CDH13: variants seen among roughly 807,000 people sequenced by gnomAD.
CDH13 encodes the protein cadherin-13.
Under a neutral mutation model 63.8 loss-of-function variants are expected in CDH13, and 24 were observed. The ratio of observed to expected loss-of-function variants is 0.38; its 90% CI spans 0.27 to 0.53. CDH13 has a LOEUF of 0.53. Among genes scored for constraint, CDH13 ranks in the 20% least tolerant of loss-of-function variants. The pLI is 0.85. For missense variants in CDH13, 1,049 were observed against 903.1 expected (o/e 1.16, Z -2.07); for synonymous variants, 503 against 355.3 (o/e 1.42, Z -4.67).
chr16:83,554,749 G>C (rs1342544967), intron 7 of CDH13, among the ~76,000 whole-genome samples: 4 of 152,102 alleles, frequency 2.6e-5, no homozygotes, highest in Non-Finnish European at 2.9e-5. Flanking sequence ...AGTACAGACT[G>C]ATGTCACCCT....
rs537849806 is a variant in CDH13, at chr16:82,868,243, A to G, written c.157+9770A>G. On this transcript the variant is annotated intron_variant, in intron 2 of 13. Transcript: ENST00000567109. Reference sequence around the variant, plus strand: ...TGAAGTTGACGATACATCGGGTCAGAATGTGGACTCCTATTTACATTAATA... The same window carrying G: ...TGAAGTTGACGATACATCGGGTCAGGATGTGGACTCCTATTTACATTAATA... Among the ~76,000 whole-genome samples, 4 of 152,318 alleles carry G rather than the reference A, an allele frequency of 2.6e-5. No homozygotes were observed. In the East Asian group the frequency reaches 7.7e-4, roughly 29 times the overall value.
intron 7 of CDH13, among the ~76,000 whole-genome samples, chr16:83,525,015 A>T (rs1432016322): frequency 2.0e-5 from 3 of 152,128 alleles, no homozygotes; most frequent in Non-Finnish European, 2.9e-5. Flanking sequence ...ATTTTCGGGG[A>T]CGCTGATTCT....
At chr16:83,191,826 C>T (rs976419764) in intron 4 of CDH13, among the ~76,000 whole-genome samples, 1 of 151,624 alleles carries the variant, frequency 6.6e-6, no homozygotes, top group East Asian at 1.9e-4. Context: ...ATGATGCCCA[C>T]CCAGATTAAG....
At chr16:82,712,690 G>A (rs1266257924) in intron 1 of CDH13, among the ~76,000 whole-genome samples, 1 of 152,138 alleles carries the variant, frequency 6.6e-6, no homozygotes, top group African/African-American at 2.4e-5. Flanking sequence ...CAGGCCCCCT[G>A]AAGCCGCAGC....
At chr16:83,401,659 C>CA (rs60316291) in intron 6 of CDH13, among the ~76,000 whole-genome samples, 15,512 of 151,178 alleles carry the variant, frequency 0.1, 833 homozygotes, top group African/African-American at 0.14. Flanking sequence ...ATTTTATGGA[C>CA]AAAAAAAAGA....
rs557774284 is a variant in CDH13, at chr16:83,089,723, G to A, written c.367-35662G>A. 3.3e-5 allele frequency among the ~76,000 whole-genome samples: 5 copies of A among 152,312 alleles called. No individual in the cohort carries two copies. The East Asian group carries it at 5.8e-4, about 18-fold the overall frequency. On this transcript the variant is annotated intron_variant, in intron 3 of 13. Coordinates refer to ENST00000567109, the MANE Select transcript of CDH13 (RefSeq NM_001257.5). ...TATTTGCCATGGACTTCTATCTCAC[G>A]ACTTTGCTATAAGGGCTACACGTCG...
At chr16:83,392,713 T>G (rs574171890) in intron 6 of CDH13, among the ~76,000 whole-genome samples, 1 of 152,314 alleles carries the variant, frequency 6.6e-6, no homozygotes, top group African/African-American at 2.4e-5. Flanking sequence ...ACAGTCAGCT[T>G]CAAAGACAGA....
rs189447283 is a variant in CDH13, at chr16:83,779,568, A to G, written c.1682-400A>G. Among the ~76,000 whole-genome samples the G allele has an allele frequency of 1.2e-3, 177 of 152,232 alleles. 1 individual carries two copies. Among genetic ancestry groups the G allele is most frequent in the African/African-American group, 4.2e-3 (176 of 41,540 alleles). On this transcript the variant is annotated intron_variant, in intron 11 of 13. Transcript: ENST00000567109. Reference sequence around the variant, plus strand: ...CTGGGCATGGTGGCTCACGCCTGTGATCACAACACTTTTGGTGTCTGAGGC... The same window carrying G: ...CTGGGCATGGTGGCTCACGCCTGTGGTCACAACACTTTTGGTGTCTGAGGC...
At chr16:83,196,789 C>T (rs746457607) in intron 4 of CDH13, among the ~76,000 whole-genome samples, 2 of 152,282 alleles carry the variant, frequency 1.3e-5, no homozygotes. Flanking sequence ...AAAGCAGTAA[C>T]ATCAAATGCT....
In CDH13 at chr16:82,644,541, C is replaced by G. The variant is rs997900850; in HGVS notation, c.45+17404C>G. Among the ~76,000 whole-genome samples, 1 of 152,196 alleles carries G rather than the reference C, an allele frequency of 6.6e-6. No individual in the cohort carries two copies. The highest frequency in any genetic ancestry group is 1.5e-5 in the Non-Finnish European group (1 of 68,028). On this transcript the variant is annotated intron_variant, in intron 1 of 13. Transcript: ENST00000567109. The surrounding 1 kb of genome is among the most constrained non-coding windows in gnomAD (Gnocchi z 5.7). ...AGCAGCCTAGAGCTGGTCCCCAGAC[C>G]AGGCCCAGTGCACGAGTTTGGGTGC...
At chr16:83,369,977 C>G (rs947555614) in intron 6 of CDH13, among the ~76,000 whole-genome samples, 3 of 152,252 alleles carry the variant, frequency 2.0e-5, no homozygotes, top group African/African-American at 7.2e-5. Flanking sequence ...TTGCTCTCTA[C>G]TTTGAAAACA....
chr16:83,700,490 C>T (rs142390047), intron 10 of CDH13, among the ~76,000 whole-genome samples: 88 of 152,336 alleles, frequency 5.8e-4, no homozygotes, highest in Non-Finnish European at 1.1e-3. Flanking sequence ...GTGCCAGGCA[C>T]TGTTGTTAGG....
chr16:83,167,099 G>A (rs2037710513), intron 4 of CDH13, among the ~76,000 whole-genome samples: 1 of 151,874 alleles, frequency 6.6e-6, no homozygotes, highest in Admixed American at 6.6e-5. Flanking sequence ...ATTCCACGAA[G>A]GTTTATGAAT....
intron 1 of CDH13, among the ~76,000 whole-genome samples, chr16:82,804,165 T>G (rs1353094899): frequency 8.6e-6 from 1 of 116,936 alleles, no homozygotes; most frequent in Non-Finnish European, 1.8e-5. Context: ...GAGGTGGAGG[T>G]TGCAGTGAGC....
intron 1 of CDH13, among the ~76,000 whole-genome samples, chr16:82,787,842 G>GTGTGTGTGTGTGTGTGTGTGTGTC (rs956751106): frequency 1.1e-3 from 3 of 2,712 alleles, no homozygotes; most frequent in Admixed American, 3.1e-3. Flanking sequence ...AAGGGAGGAA[G>GTGTGTGTGTGTGTGTGTGTGTGTC]TGTGTGTGTG....
At chr16:83,071,963 CAT>C (rs1418735343) in intron 3 of CDH13, among the ~76,000 whole-genome samples, 1 of 152,054 alleles carries the variant, frequency 6.6e-6, no homozygotes, top group Non-Finnish European at 1.5e-5. Context: ...GTCAAAGAGA[CAT>C]ATAATTTAAA....
At chr16:83,459,250 T>A (rs763944737) in intron 6 of CDH13, among the ~76,000 whole-genome samples, 1 of 152,236 alleles carries the variant, frequency 6.6e-6, no homozygotes, top group Admixed American at 6.5e-5. Flanking sequence ...GCAATGCCAT[T>A]GACAAGAAAC....
intron 1 of CDH13, among the ~76,000 whole-genome samples, chr16:82,635,659 A>C (rs1295297716): frequency 1.3e-5 from 2 of 152,208 alleles, no homozygotes; most frequent in African/African-American, 4.8e-5. Context: ...GGCTGAGATC[A>C]TGGGAAGCTG....
At chr16:83,216,429 T>TATATATATATAAATATATATATATATAA (rs1555513907) in intron 4 of CDH13, among the ~76,000 whole-genome samples, 1 of 105,708 alleles carries the variant, frequency 9.5e-6, no homozygotes, top group East Asian at 2.7e-4. Context: ...TATATATATA[T>TATATATATATAAATATATATATATATAA]ATATATATAT....
Sources: gnomAD v4.1 joint callset for allele counts (sites outside exome capture counted in the v4.1 genomes callset) on GRCh38, gnomAD v4.1.1 for gene constraint, Gnocchi (gnomAD v3.1) non-coding constraint, MANE v1.5 for transcripts, NCBI Gene and HGNC (gene_info 2026-07-23, HGNC 2026-07-21) for gene names.